Variants in SRRM2 observed in about 807,000 individuals in gnomAD.
The protein encoded by SRRM2 is serine/arginine repetitive matrix 2, also known as serine/arginine repetitive matrix protein 2.
A neutral mutation model predicts 213.8 loss-of-function variants in SRRM2; 30 were observed. That is an observed-to-expected ratio of 0.14 (90% CI 0.10 to 0.19). The LOEUF is 0.19. Ranked by LOEUF, SRRM2 falls within the 10% of genes least tolerant of loss-of-function variation. The pLI is 1.00. For synonymous variants in SRRM2, 2,025 were observed against 1,377.7 expected, an observed-to-expected ratio of 1.47 and a Z score of -10.40; for missense variants, 4,904 against 3,647.0, an observed-to-expected ratio of 1.34 and a Z score of -8.88.
At position 2,764,967 on chromosome 16, in the gene SRRM2, G is replaced by A. The variant is rs1408123212; in HGVS notation, c.4439G>A (p.Cys1480Tyr). 3 of 1,614,046 alleles carry A rather than the reference G, an allele frequency of 1.9e-6. No individual in the cohort carries two copies. The African/African-American group carries it at 4.0e-5, about 22-fold the overall frequency. The change falls in exon 11 of 15, where the codon TGT becomes TAT. Residue 1480 changes from cysteine to tyrosine, a missense_variant. By Grantham distance (194) the Cys-to-Tyr change is radical (BLOSUM62 -2). Coordinates refer to ENST00000301740, the MANE Select transcript of SRRM2 (RefSeq NM_016333.4). The stretch of plus-strand genomic sequence containing the variant: ...ACGCCATCTAGAGGGAGAAGCGAAT[G>A]TGATTCTTCCCCAGAACCGAAAGCT... ...PRTPSRGRSE[C>Y]DSSPEPKALP...
Position 2,763,245 on chromosome 16 carries a change from G to A in SRRM2, c.2717G>A (p.Arg906Lys). The part of the protein sequence containing the change: ...PPRVKSSTPP[R>K]QSPSRSSSPQ... ...AGAGTGAAATCTAGCACACCTCCCA[G>A]ACAGAGCCCATCTAGGTCATCATCT... The change falls in exon 11 of 15, where the codon AGA becomes AAA. Residue 906 changes from arginine to lysine, a missense_variant. Physicochemically the swap from Arg to Lys is conservative, Grantham distance 26. Coordinates refer to ENST00000301740, the MANE Select transcript of SRRM2 (RefSeq NM_016333.4). 6.2e-7 allele frequency: 1 copy of A among 1,614,032 alleles called. No individual in the cohort carries two copies. Among genetic ancestry groups the A allele is most frequent in the Admixed American group, 1.7e-5 (1 of 60,002 alleles).
In SRRM2 at chr16:2,762,816, C is replaced by T; in HGVS notation, c.2288C>T (p.Ser763Phe). The change falls in exon 11 of 15, where the codon TCT becomes TTT. Residue 763 changes from serine to phenylalanine, a missense_variant. Physicochemically the swap from Ser to Phe is radical, Grantham distance 155. Coordinates refer to ENST00000301740, the MANE Select transcript of SRRM2 (RefSeq NM_016333.4). ...TCTTCAAGGCGGAGCAGGTCTCTCTCTTCACCACGGTCCAAAGCAAAATCT... is the reference window on the plus strand; with the variant it reads ...TCTTCAAGGCGGAGCAGGTCTCTCTTTTCACCACGGTCCAAAGCAAAATCT... ...RISSRRSRSL[S>F]SPRSKAKSRL... The T allele has an allele frequency of 3.1e-6, 5 of 1,614,184 alleles. No homozygotes were observed. Among genetic ancestry groups the T allele is most frequent in the Non-Finnish European group, 4.2e-6 (5 of 1,180,030 alleles).
chr16:2,765,620 A>G lies in SRRM2; in HGVS notation c.5092A>G (p.Thr1698Ala), dbSNP rs371330055. Residue 1698 changes from threonine to alanine, a missense_variant, in exon 11 of 15, where the codon ACA becomes GCA. By Grantham distance (58) the Thr-to-Ala change is moderately conservative. Transcript: ENST00000301740. ...CAGCTCTCGATCATCTCCGGAGCTA[A>G]CAAGGAAGGCCAGACTGTCCCGTAG... The part of the protein sequence containing the change: ...RRSSRSSPEL[T>A]RKARLSRRSR... 1.9e-6 allele frequency: 3 copies of G among 1,614,052 alleles called. No individual in the cohort carries two copies. The highest frequency in any genetic ancestry group is 2.5e-6 in the Non-Finnish European group (3 of 1,180,040).
chr16:2,767,773 C>T lies in SRRM2; in HGVS notation c.7245C>T (p.Ser2415=), dbSNP rs2068593819. 4 of 1,613,814 alleles carry T rather than the reference C, an allele frequency of 2.5e-6. No individual in the cohort carries two copies. The highest frequency in any genetic ancestry group is 2.7e-5 in the African/African-American group (2 of 74,812). The change falls in exon 11 of 15, where the codon AGC becomes AGT. Residue 2415 remains serine (S), a synonymous_variant. Transcript: ENST00000301740. The stretch of plus-strand genomic sequence containing the variant: ...CCAGAACACCACCGTCTGCCCCAAG[C>T]CAATCTAGGATGACCTCTGAACGGG... ...ARSRTPPSAP[S]QSRMTSERAP...
intron 12 of SRRM2, chr16:2,769,553 C>T (rs1596296106): frequency 3.1e-6 from 2 of 647,444 alleles, no homozygotes; most frequent in Non-Finnish European, 2.8e-6. Flanking sequence ...TCCCAGGGTT[C>T]TAGCTTTGTC....
rs950706092 is a variant in SRRM2, at chr16:2,764,240, T to G, written c.3712T>G (p.Leu1238Val). 2 of 1,613,660 alleles carry G rather than the reference T, an allele frequency of 1.2e-6. No individual in the cohort carries two copies. The highest frequency in any genetic ancestry group is 2.2e-5 in the South Asian group (2 of 91,038). The part of the protein sequence containing the change: ...ALPTSSQDEE[L>V]MEVVEKSEEP... ...GCCTACGTCAAGCCAAGATGAAGAG[T>G]TAATGGAGGTGGTAGAGAAGTCTGA... Residue 1238 changes from leucine to valine, a missense_variant, in exon 11 of 15, where the codon TTA (leucine) becomes GTA (valine). Leu to Val is a conservative substitution (Grantham distance 32, BLOSUM62 1). Transcript: ENST00000301740.
Position 2,771,189 on chromosome 16 carries a change from A to C in SRRM2, c.*322A>C, listed in dbSNP as rs149417935. On this transcript the variant is annotated 3_prime_UTR_variant, in exon 15 of 15. Transcript: ENST00000301740. ...GGGAGGCATGGCCCCACTTGTATCC[A>C]GAAGTTCCCAGGGGTGATTGTGATG... The C allele has an allele frequency of 3.6e-4, 228 of 632,494 alleles. No homozygotes were observed. The East Asian group carries it at 5.9e-3, about 16-fold the overall frequency. The allele number at this position is 632,494 out of a possible 1,614,324, so 39.2% of individuals were successfully genotyped here. A position where few individuals can be genotyped will look rare whatever the true frequency, so the allele number is the denominator to read the frequency against.
chr16:2,758,464 C>T lies in SRRM2; in HGVS notation c.516-6C>T, dbSNP rs1174620174. The T allele has an allele frequency of 1.2e-6, 2 of 1,613,150 alleles. No individual in the cohort carries two copies. The highest frequency in any genetic ancestry group is 4.5e-5 in the East Asian group (2 of 44,880). On this transcript the variant is annotated splice_region_variant and splice_polypyrimidine_tract_variant and intron_variant, in intron 4 of 14. Transcript: ENST00000301740. Reference sequence around the variant, plus strand: ...CCCATCTCTGCTGCTTTTCATTTTTCCCTAGCCTTGTTCGGGAGTCTAGCA... The same window carrying T: ...CCCATCTCTGCTGCTTTTCATTTTTTCCTAGCCTTGTTCGGGAGTCTAGCA...
In SRRM2 at chr16:2,765,594, G is replaced by T. The variant is rs531425935; in HGVS notation, c.5066G>T (p.Arg1689Leu). 3 of 1,614,076 alleles carry T rather than the reference G, an allele frequency of 1.9e-6. No homozygotes were observed. The highest frequency in any genetic ancestry group is 2.5e-6 in the Non-Finnish European group (3 of 1,180,026). ...KTKSRTPPRR[R>L]SSRSSPELTR... ...AAGTCTCGTACACCACCTCGACGTC[G>T]CAGCTCTCGATCATCTCCGGAGCTA... Residue 1689 changes from arginine to leucine, a missense_variant, in exon 11 of 15, where the codon CGC becomes CTC. By Grantham distance (102) the Arg-to-Leu change is moderately radical. Transcript: ENST00000301740.
rs1274379774 is a variant in SRRM2 at position 2,757,611 on chromosome 16, GACTCT to G, written c.350+38_350+42del. The G allele has an allele frequency of 1.9e-6, 3 of 1,597,360 alleles. No individual in the cohort carries two copies. The East Asian group carries it at 6.7e-5, about 36-fold the overall frequency. ...GTTGCGCTCTCCCTCGATGACTCTG[GACTCT>G]ACTCTGGCTGCTGGCTGCTGCTGCT... On this transcript the variant is annotated intron_variant, in intron 3 of 14. Coordinates refer to ENST00000301740, the MANE Select transcript of SRRM2 (RefSeq NM_016333.4).
In SRRM2 at chr16:2,756,445, G is replaced by A. The variant is rs1440020526; in HGVS notation, c.81G>A (p.Arg27=). 6.2e-7 allele frequency: 1 copy of A among 1,612,942 alleles called. No homozygotes were observed. The highest frequency in any genetic ancestry group is 8.5e-7 in the Non-Finnish European group (1 of 1,179,612). Residue 27 remains arginine, a synonymous_variant, in exon 2 of 15, where the codon CGG becomes CGA. Transcript: ENST00000301740. ...TCCAGCGCAACCTGTCCCTGGTGCG[G>A]GGCCGCCGGGGTGAGCGGCCTGACT... is the stretch of plus-strand genomic sequence containing the variant. The part of the protein sequence containing the change: ...GYVQRNLSLV[R]GRRGERPDYK...
At chr16:2,753,928 C>T (rs1441014258) in intron 1 of SRRM2, among the ~76,000 whole-genome samples, 1 of 152,046 alleles carries the variant, frequency 6.6e-6, no homozygotes, top group Non-Finnish European at 1.5e-5. Context: ...GTACCGTTTT[C>T]TTTTTTGCAT....
intron 9 of SRRM2, chr16:2,760,097 C>CCT (rs796238280): frequency 2.1e-5 from 13 of 615,034 alleles, no homozygotes; most frequent in African/African-American, 2.0e-4. Flanking sequence ...AGAGGGAGAA[C>CCT]GCTCTTTGGG....
chr16:2,766,218 G>A lies in SRRM2; in HGVS notation c.5690G>A (p.Arg1897Gln), dbSNP rs756597440. 26 of 1,614,192 alleles carry A rather than the reference G, an allele frequency of 1.6e-5. No homozygotes were observed. The highest frequency in any genetic ancestry group is 3.3e-5 in the Admixed American group (2 of 60,028). The change falls in exon 11 of 15, where the codon CGG (arginine) becomes CAG (glutamine). Residue 1897 changes from arginine (R) to glutamine (Q), a missense_variant. By Grantham distance (43) the Arg-to-Gln change is conservative. Transcript: ENST00000301740. This position sits in a 1 kb window ranked among gnomAD's most constrained non-coding sequence, Gnocchi z 7.0. ...AGATCTCGAACTTCACCAGTCAGCC[G>A]GAGACGGTCAAGGTCCAGGACTTCA... ...RSRSRTSPVSRRRSRSRTSVT... is the reference protein window; with the variant it reads ...RSRSRTSPVSQRRSRSRTSVT...
chr16:2,756,125 G>C (rs1195397156), intron 1 of SRRM2, among the ~76,000 whole-genome samples: 1 of 152,228 alleles, frequency 6.6e-6, no homozygotes, highest in South Asian at 2.1e-4. Flanking sequence ...GTAAGAACTG[G>C]GCTGTGATTT....
At chr16:2,768,782 C>T in intron 11 of SRRM2, 2 of 870,452 alleles carry the variant, frequency 2.3e-6, no homozygotes, top group Non-Finnish European at 3.7e-6. Flanking sequence ...AACCTTGATC[C>T]CTTATGCTGC....
Position 2,755,077 on chromosome 16 carries a change from T to C in SRRM2, c.-31-1257T>C, listed in dbSNP as rs2068093087. 2.6e-5 allele frequency among the ~76,000 whole-genome samples: 4 copies of C among 152,250 alleles called. No homozygotes were observed. In the South Asian group the frequency reaches 8.3e-4, roughly 32 times the overall value. On this transcript the variant is annotated intron_variant, in intron 1 of 14. Coordinates refer to ENST00000301740, the MANE Select transcript of SRRM2 (RefSeq NM_016333.4). The stretch of plus-strand genomic sequence containing the variant: ...TCCGCTTTACGTATTCCTTAGGGTT[T>C]TTTCTTAGTAGTATTTTCTCATATA...
Position 2,760,311 on chromosome 16 carries a change from G to A in SRRM2, c.844G>A (p.Ala282Thr), listed in dbSNP as rs754412010. The change falls in exon 10 of 15, where the codon GCT (alanine) becomes ACT (threonine). Residue 282 changes from alanine to threonine, a missense_variant. Physicochemically the swap from Ala to Thr is moderately conservative, Grantham distance 58. Transcript: ENST00000301740. ...AATTAACTCCTGCAGGTCTCGAAGT[G>A]CTGCAGCTAAAACTCATACAACTGC... Reference protein sequence around the residue: ...SDTSRSRSRSAAAKTHTTALA... With the variant: ...SDTSRSRSRSTAAKTHTTALA... 1.9e-6 allele frequency: 3 copies of A among 1,613,344 alleles called. No homozygotes were observed. Among genetic ancestry groups the A allele is most frequent in the Admixed American group, 1.7e-5 (1 of 59,986 alleles).
At position 2,763,332 on chromosome 16, in the gene SRRM2, C is replaced by T. The variant is rs778128401; in HGVS notation, c.2804C>T (p.Ser935Phe). The change falls in exon 11 of 15, where the codon TCT (serine) becomes TTT (phenylalanine). Residue 935 changes from serine to phenylalanine, a missense_variant. Ser to Phe is a radical substitution (Grantham distance 155, BLOSUM62 -2). Coordinates refer to ENST00000301740, the MANE Select transcript of SRRM2 (RefSeq NM_016333.4). ...PRQRSHSGSSSPSPSRVTSRT... is the reference protein window; with the variant it reads ...PRQRSHSGSSFPSPSRVTSRT... The stretch of plus-strand genomic sequence containing the variant: ...CAAAGAAGCCATTCTGGCTCCTCTT[C>T]TCCAAGTCCTAGTAGGGTGACGTCG... 42 of 1,614,106 alleles carry T rather than the reference C, an allele frequency of 2.6e-5. No individual in the cohort carries two copies. The highest frequency in any genetic ancestry group is 1.6e-4 in the African/African-American group (12 of 74,930).
Sources: gnomAD v4.1 joint callset for allele counts (sites outside exome capture counted in the v4.1 genomes callset) on GRCh38, gnomAD v4.1.1 for gene constraint, Gnocchi (gnomAD v3.1) non-coding constraint, MANE v1.5 for transcripts, NCBI Gene and HGNC (gene_info 2026-07-23, HGNC 2026-07-21) for gene names.